Variants in THOC2 observed in about 807,000 individuals in gnomAD.
The protein encoded by THOC2 is THO complex subunit 2.
In THOC2, 10 loss-of-function variants were observed where a neutral mutation model predicts 128.4. The ratio of observed to expected loss-of-function variants is 0.08; its 90% CI spans 0.05 to 0.13. The LOEUF is 0.13. THOC2 is among the 10% of genes least tolerant of loss of function. The pLI is 1.00. For missense variants in THOC2, 535 were observed against 1,155.7 expected (o/e 0.46, Z 7.79); for synonymous variants, 393 against 396.9 (o/e 0.99, Z 0.12).
chrX:123,626,236 A>G (rs1312384795), intron 24 of THOC2, among the ~76,000 whole-genome samples, 167 bp from the exon 25 acceptor site: 2 of 111,749 alleles, frequency 1.8e-5, no homozygotes. Context: ...CATTTTTACT[A>G]TGTGGACCTT....
chrX:123,728,972 A>T (rs1027845264), intron 1 of THOC2, among the ~76,000 whole-genome samples: 2 of 112,157 alleles, frequency 1.8e-5, no homozygotes, highest in African/African-American at 6.5e-5. Flanking sequence ...TGCTGAGTTC[A>T]CTGTGTTAAT....
chrX:123,719,455 C>T (rs1470411316), intron 1 of THOC2, among the ~76,000 whole-genome samples: 1 of 110,132 alleles, frequency 9.1e-6, no homozygotes, highest in African/African-American at 3.3e-5. Flanking sequence ...CTAGCCTTTT[C>T]GGAGGCCAAG....
chrX:123,616,103 A>G (rs1211335480), intron 33 of THOC2, among the ~76,000 whole-genome samples: 1 of 111,130 alleles, frequency 9.0e-6, no homozygotes, highest in African/African-American at 3.3e-5. Context: ...TTAACTTCTT[A>G]AAATCCTACT....
At chrX:123,683,676 G>A (rs182794899) in intron 8 of THOC2, among the ~76,000 whole-genome samples, 595 of 107,144 alleles carry the variant, frequency 5.6e-3, no homozygotes, top group Non-Finnish European at 8.1e-3. Context: ...TCGGCTCACC[G>A]CTACCTCCAC....
intron 38 of THOC2, among the ~76,000 whole-genome samples, chrX:123,609,229 C>G (rs893208753): frequency 2.7e-5 from 3 of 111,979 alleles, no homozygotes; most frequent in African/African-American, 9.7e-5. Flanking sequence ...GAGTTTATGG[C>G]TCACCAGAGA....
chrX:123,643,745 AAAC>A lies in THOC2; in HGVS notation c.1661+827_1661+829del, dbSNP rs772910673. Among the ~76,000 whole-genome samples, 607 of 110,615 alleles carry A rather than the reference AAAC, an allele frequency of 5.5e-3. 3 individuals carry two copies. The highest frequency in any genetic ancestry group is 8.5e-3 in the Non-Finnish European group (450 of 52,818). On this transcript the variant is annotated intron_variant, in intron 15 of 38. Transcript: ENST00000245838. Reference sequence around the variant, plus strand: ...ATAGGCTCACAGGAAAAAAAAAAAAAAACAACAACTAGATTGTGATCATGCACA... The same window carrying A: ...ATAGGCTCACAGGAAAAAAAAAAAAAAACAACTAGATTGTGATCATGCACA...
chrX:123,618,444 A>G (rs2046971597), intron 33 of THOC2, among the ~76,000 whole-genome samples: 2 of 112,053 alleles, frequency 1.8e-5, no homozygotes, highest in South Asian at 7.3e-4. Flanking sequence ...ATATCCACAG[A>G]CATTTCATTA....
Position 123,623,119 on chromosome X carries a change from C to G in THOC2, c.3668G>C (p.Ser1223Thr), listed in dbSNP as rs1178765098. ...IGSASKSDESSTEETDKSRER... is the reference protein window; with the variant it reads ...IGSASKSDESTTEETDKSRER... ...AATAAGCATACCAGTCTCCTCAGTA[C>G]TGCTTTCATCCGATTTAGATGCACT... Residue 1223 changes from serine (S) to threonine (T), a missense_variant, in exon 29 of 39, where the codon AGT (serine) becomes ACT (threonine). Transcript: ENST00000245838. The G allele has an allele frequency of 3.3e-6, 4 of 1,207,295 alleles. No individual in the cohort carries two copies. The highest frequency in any genetic ancestry group is 1.7e-5 in the African/African-American group (1 of 57,166).
intron 1 of THOC2, among the ~76,000 whole-genome samples, chrX:123,730,398 G>C (rs1243587142): frequency 2.7e-5 from 3 of 109,303 alleles, no homozygotes; most frequent in Admixed American, 9.8e-5. Context: ...GGCTTGTCTG[G>C]AACTCCTGAC....
At chrX:123,697,621 C>G in intron 5 of THOC2, 60 bp downstream of exon 5, 1 of 593,088 alleles carries the variant, frequency 1.7e-6, no homozygotes, top group Non-Finnish European at 2.6e-6. Flanking sequence ...ACATGATTAA[C>G]TTCTATTACA....
chrX:123,638,145 CT>C, intron 17 of THOC2, 22 bp from the exon 18 acceptor site: 1 of 1,050,016 alleles, frequency 9.5e-7, no homozygotes, highest in Non-Finnish European at 1.3e-6. Context: ...TAAGAAAAAA[CT>C]AAGTCATTAC....
chrX:123,618,031 T>C (rs1463395542), intron 33 of THOC2, among the ~76,000 whole-genome samples: 3 of 111,922 alleles, frequency 2.7e-5, no homozygotes, highest in Non-Finnish European at 5.7e-5. Flanking sequence ...AATAATCCCA[T>C]GTAATAATAA....
intron 26 of THOC2, 94 bp downstream of exon 26, chrX:123,624,447 A>G (rs1420325077): frequency 1.1e-6 from 1 of 943,941 alleles, no homozygotes; most frequent in African/African-American, 2.0e-5. Flanking sequence ...TGAATCTTAA[A>G]CTCAGCTTCT....
chrX:123,709,883 A>C (rs2147945560), intron 2 of THOC2, among the ~76,000 whole-genome samples: 1 of 111,276 alleles, frequency 9.0e-6, no homozygotes, highest in African/African-American at 3.3e-5. Flanking sequence ...CATGTTTATT[A>C]GCCATCATTA....
chrX:123,658,693 T>G (rs1281559217), intron 12 of THOC2, among the ~76,000 whole-genome samples: 1 of 112,009 alleles, frequency 8.9e-6, no homozygotes, highest in Non-Finnish European at 1.9e-5. Flanking sequence ...CCAGGGGTTG[T>G]GAGGAGAGAG....
intron 3 of THOC2, among the ~76,000 whole-genome samples, chrX:123,703,887 CT>C (rs1187533021): frequency 1.1e-4 from 1 of 9,383 alleles, no homozygotes; most frequent in South Asian, 3.0e-3. Flanking sequence ...GAAACTCTGT[CT>C]TTAAAAAAAA....
At chrX:123,650,259 A>G (rs1248126761) in intron 12 of THOC2, among the ~76,000 whole-genome samples, 1 of 112,012 alleles carries the variant, frequency 8.9e-6, no homozygotes, top group Admixed American at 9.5e-5. Context: ...GCAAATGCTG[A>G]GAGATTATGT....
At chrX:123,680,174 T>C (rs1014506826) in intron 8 of THOC2, among the ~76,000 whole-genome samples, 1 of 109,226 alleles carries the variant, frequency 9.2e-6, no homozygotes, top group African/African-American at 3.4e-5. Context: ...TGCTCCTCCC[T>C]GGGCAATGGA....
intron 12 of THOC2, among the ~76,000 whole-genome samples, chrX:123,662,509 ACCAGGGAGGCGGAG>A (rs775869061): frequency 6.3e-4 from 67 of 106,580 alleles, no homozygotes; most frequent in Admixed American, 1.2e-3. Context: ...AATGGTGTGA[ACCAGGGAGGCGGAG>A]CTTGCAGTGA....
Sources: gnomAD v4.1 joint callset for allele counts (sites outside exome capture counted in the v4.1 genomes callset) on GRCh38, gnomAD v4.1.1 for gene constraint, MANE v1.5 for transcripts, NCBI Gene and HGNC (gene_info 2026-07-23, HGNC 2026-07-21) for gene names.